NEBL: variants seen among roughly 807,000 people sequenced by gnomAD.
NEBL encodes LIM and SH3 protein 2.
NEBL carries 122 observed loss-of-function variants against 140.2 expected under a neutral mutation model. The observed-to-expected ratio is 0.87, with a 90% confidence interval of 0.75 to 1.01. NEBL has a LOEUF of 1.01. Ranked by LOEUF, NEBL falls within the 50% of genes least tolerant of loss-of-function variation. The pLI is 0.00. For synonymous variants in NEBL, 436 were observed against 398.9 expected (o/e 1.09, Z -1.11); for missense variants, 1,365 against 1,231.3 (o/e 1.11, Z -1.62).
At chr10:21,106,033 G>A (rs1037591193) in intron 2 of NEBL, among the ~76,000 whole-genome samples, 5 of 151,698 alleles carry the variant, frequency 3.3e-5, no homozygotes, top group African/African-American at 9.7e-5. Context: ...TGATGGGGTT[G>A]TTTGTTTTTT....
intron 3 of NEBL, among the ~76,000 whole-genome samples, chr10:21,012,529 T>G (rs953506358): frequency 4.6e-5 from 7 of 151,872 alleles, no homozygotes; most frequent in Non-Finnish European, 7.4e-5. Context: ...CTAGCTTATT[T>G]ATTTTTATTT....
chr10:20,916,086 G>A (rs1422205510), intron 4 of NEBL, among the ~76,000 whole-genome samples: 1 of 152,140 alleles, frequency 6.6e-6, no homozygotes, highest in Non-Finnish European at 1.5e-5. Flanking sequence ...TTTACTAGAT[G>A]AGAAGTAAAA....
chr10:21,266,654 G>C (rs1418842112), intron 1 of NEBL, among the ~76,000 whole-genome samples: 1 of 152,346 alleles, frequency 6.6e-6, no homozygotes, highest in Admixed American at 6.5e-5. Context: ...TCCCTGGGGG[G>C]ACTCTTTTCA....
chr10:20,831,698 A>C (rs1840442932), intron 14 of NEBL, 115 bp from the exon 15 acceptor site: 1 of 694,668 alleles, frequency 1.4e-6, no homozygotes. Flanking sequence ...TTGAATCCTT[A>C]TTTCTTTTAT....
chr10:20,940,876 A>C (rs1367446808), intron 4 of NEBL, among the ~76,000 whole-genome samples: 1 of 152,252 alleles, frequency 6.6e-6, no homozygotes, highest in Non-Finnish European at 1.5e-5. Flanking sequence ...AACTCCCAAG[A>C]CTAAACCAGG....
At chr10:21,235,137 C>T (rs768637833) in intron 3 of NEBL, among the ~76,000 whole-genome samples, 3 of 151,942 alleles carry the variant, frequency 2.0e-5, no homozygotes, top group South Asian at 2.1e-4. Flanking sequence ...TCTACAAAAA[C>T]GTACAAAAAT....
At chr10:21,232,245 CCATAATA>C (rs1842276012) in intron 3 of NEBL, among the ~76,000 whole-genome samples, 2 of 151,998 alleles carry the variant, frequency 1.3e-5, no homozygotes, top group South Asian at 4.1e-4. Context: ...TCTCTGCAAC[CCATAATA>C]CAGAACTTGG....
chr10:20,903,971 C>T (rs527549266), intron 4 of NEBL, among the ~76,000 whole-genome samples: 47 of 148,950 alleles, frequency 3.2e-4, no homozygotes, highest in Non-Finnish European at 5.2e-4. Flanking sequence ...AAAATTCATC[C>T]ATATAACCAA....
At chr10:21,019,022 G>C (rs569554574) in intron 3 of NEBL, among the ~76,000 whole-genome samples, 1 of 152,040 alleles carries the variant, frequency 6.6e-6, no homozygotes, top group Non-Finnish European at 1.5e-5. Flanking sequence ...GCAAGACTCC[G>C]TTCTCCCACC....
chr10:20,861,436 C>T (rs921700448), intron 7 of NEBL, among the ~76,000 whole-genome samples: 8 of 152,210 alleles, frequency 5.3e-5, no homozygotes, highest in African/African-American at 1.9e-4. Context: ...ACCTTGGCCT[C>T]CCAAAGTGCT....
chr10:21,051,694 C>T (rs1305227149), intron 2 of NEBL, among the ~76,000 whole-genome samples: 1 of 147,372 alleles, frequency 6.8e-6, no homozygotes, highest in Non-Finnish European at 1.5e-5. Context: ...GGATTAAATT[C>T]CCCAGTGAAA....
intron 2 of NEBL, chr10:21,113,312 A>G: frequency 2.9e-6 from 1 of 350,058 alleles, no homozygotes; most frequent in Non-Finnish European, 5.4e-6. Context: ...AAAAACCAGG[A>G]AAAAACTCCT....
intron 21 of NEBL, among the ~76,000 whole-genome samples, chr10:20,816,066 C>T (rs1034376351): frequency 3.3e-5 from 5 of 152,140 alleles, no homozygotes; most frequent in Non-Finnish European, 5.9e-5. Flanking sequence ...CAGTGCCTGG[C>T]TCACAGTATT....
At chr10:20,847,646 G>A (rs1842072843) in intron 11 of NEBL, among the ~76,000 whole-genome samples, 1 of 152,088 alleles carries the variant, frequency 6.6e-6, no homozygotes. Context: ...AAAGGGGCAG[G>A]GGAGGAAACT....
intron 2 of NEBL, chr10:21,029,406 GAA>G: frequency 6.2e-7 from 1 of 1,611,476 alleles, no homozygotes; most frequent in Non-Finnish European, 8.5e-7. Context: ...CAGAGAGGTT[GAA>G]AGGTTTTGGT....
chr10:20,817,552 G>C (rs1373986526), intron 21 of NEBL, 48 bp downstream of exon 21: 2 of 1,378,174 alleles, frequency 1.5e-6, no homozygotes, highest in Non-Finnish European at 2.1e-6. Context: ...TTCACACGTG[G>C]ACAATGCATT....
chr10:21,235,083 C>T (rs1021258728), intron 3 of NEBL, among the ~76,000 whole-genome samples: 1 of 152,116 alleles, frequency 6.6e-6, no homozygotes, highest in Admixed American at 6.6e-5. Flanking sequence ...GCACTTGAGC[C>T]TGGTAGTTCC....
At chr10:20,939,667 C>T (rs4950457) in intron 4 of NEBL, among the ~76,000 whole-genome samples, 9 of 151,838 alleles carry the variant, frequency 5.9e-5, no homozygotes, top group Non-Finnish European at 1.0e-4. Context: ...AAGACCCATC[C>T]GTGTGCTGTA....
chr10:20,895,687 A>G (rs954867029), intron 2 of NEBL, among the ~76,000 whole-genome samples: 2 of 152,208 alleles, frequency 1.3e-5, no homozygotes, highest in Non-Finnish European at 2.9e-5. Flanking sequence ...TACTTAATTT[A>G]AAGGGTAATT....
Sources: gnomAD v4.1 joint callset for allele counts (sites outside exome capture counted in the v4.1 genomes callset) on GRCh38, gnomAD v4.1.1 for gene constraint, MANE v1.5 for transcripts, NCBI Gene and HGNC (gene_info 2026-07-23, HGNC 2026-07-21) for gene names.